PTPRS: variants seen among roughly 807,000 people sequenced by gnomAD.
PTPRS encodes the protein protein tyrosine phosphatase receptor type S.
Under a neutral mutation model 215.3 loss-of-function variants are expected in PTPRS, and 63 were observed. The ratio of observed to expected loss-of-function variants is 0.29; its 90% CI spans 0.24 to 0.36. PTPRS has a LOEUF of 0.36. Among genes scored for constraint, PTPRS ranks in the 10% least tolerant of loss-of-function variants. The pLI is 1.00. For missense variants in PTPRS, 2,258 were observed against 2,825.8 expected (o/e 0.80, Z 4.56); for synonymous variants, 1,404 against 1,191.4 (o/e 1.18, Z -3.68).
Position 5,222,850 on chromosome 19 carries a change from G to C in PTPRS, c.2942C>G (p.Thr981Ser), listed in dbSNP as rs1484090676. The C allele has an allele frequency of 1.1e-5, 18 of 1,592,854 alleles. No homozygotes were observed. The highest frequency in any genetic ancestry group is 1.4e-5 in the Non-Finnish European group (17 of 1,175,978). Residue 981 changes from threonine to serine, a missense_variant, in exon 18 of 38, where the codon ACT becomes AGT. Physicochemically the swap from Thr to Ser is moderately conservative, Grantham distance 58. Coordinates refer to ENST00000262963, the MANE Select transcript of PTPRS (RefSeq NM_002850.4). The stretch of plus-strand genomic sequence containing the variant: ...CGGCTCAGCCGCTGCCGGCAGCTCA[G>C]TCTCTCGGGCAGGGCCCAGGGCACC... ...EAGALGPARE[T>S]ELPAAAEPGA...
chr19:5,243,398 A>C (rs2044214566), intron 11 of PTPRS, among the ~76,000 whole-genome samples: 1 of 151,782 alleles, frequency 6.6e-6, no homozygotes, highest in East Asian at 1.9e-4. Context: ...CGACTCCCAA[A>C]ATGCTGGGGT....
rs1163354927 is a variant in PTPRS at position 5,207,919 on chromosome 19, T to C, written c.5778+3A>G. The C allele has an allele frequency of 6.2e-7, 1 of 1,613,416 alleles. No homozygotes were observed. The highest frequency in any genetic ancestry group is 1.7e-5 in the Admixed American group (1 of 60,000). ...CTGCCTCCCCTCCCTGTCCCATCTT[T>C]ACCTCTGTCTGCACCATGGCCGGCC... On this transcript the variant is annotated splice_donor_region_variant and intron_variant, in intron 37 of 37. Coordinates refer to ENST00000262963, the MANE Select transcript of PTPRS (RefSeq NM_002850.4).
At chr19:5,278,537 C>T (rs1270680659) in intron 2 of PTPRS, among the ~76,000 whole-genome samples, 1 of 152,220 alleles carries the variant, frequency 6.6e-6, no homozygotes, top group East Asian at 1.9e-4. Context: ...AAGTGCAGGG[C>T]GCGATCTTGG....
At chr19:5,240,022 G>T (rs936123409) in intron 12 of PTPRS, among the ~76,000 whole-genome samples, 177 bp downstream of exon 12, 1 of 151,866 alleles carries the variant, frequency 6.6e-6, no homozygotes, top group African/African-American at 2.4e-5. Context: ...AGACAGAGGA[G>T]AAAAAAGTGG....
At chr19:5,259,620 C>G (rs2045832870) in intron 7 of PTPRS, among the ~76,000 whole-genome samples, 1 of 152,128 alleles carries the variant, frequency 6.6e-6, no homozygotes, top group Admixed American at 6.6e-5. Context: ...TGTAACATAT[C>G]TAAGTATGTT....
chr19:5,255,402 T>C (rs779084419), intron 9 of PTPRS, among the ~76,000 whole-genome samples: 27 of 152,038 alleles, frequency 1.8e-4, no homozygotes, highest in Admixed American at 5.9e-4. Context: ...TAAATCACAA[T>C]GCGTTTGGAG....
chr19:5,268,190 T>TAAA (rs1483572135), intron 4 of PTPRS, among the ~76,000 whole-genome samples: 4 of 54,828 alleles, frequency 7.3e-5, no homozygotes, highest in Non-Finnish European at 1.4e-4. Context: ...AATAAATAAA[T>TAAA]TAATTAATTA....
At chr19:5,260,991 G>A (rs2045951441) in intron 6 of PTPRS, among the ~76,000 whole-genome samples, 169 bp from the exon 7 acceptor site, 1 of 152,146 alleles carries the variant, frequency 6.6e-6, no homozygotes, top group South Asian at 2.1e-4. Flanking sequence ...TGCTGAGGAA[G>A]CTAGGAGAGG....
chr19:5,222,247 G>C, intron 18 of PTPRS, 27 bp from the exon 19 acceptor site: 3 of 1,569,288 alleles, frequency 1.9e-6, no homozygotes, highest in South Asian at 1.1e-5. Flanking sequence ...CGAGCAGGGA[G>C]AGAGCAGAAG....
At chr19:5,309,176 G>A (rs1418462837) in intron 1 of PTPRS, among the ~76,000 whole-genome samples, 1 of 151,688 alleles carries the variant, frequency 6.6e-6, no homozygotes, top group Non-Finnish European at 1.5e-5. Flanking sequence ...GCTGGCTCTG[G>A]TGGTGAGCAG....
intron 16 of PTPRS, among the ~76,000 whole-genome samples, chr19:5,227,663 G>A (rs1397812895): frequency 6.6e-6 from 1 of 152,022 alleles, no homozygotes; most frequent in African/African-American, 2.4e-5. Context: ...ACCCGTCTTG[G>A]CCTCCCAAAG....
intron 13 of PTPRS, among the ~76,000 whole-genome samples, chr19:5,233,974 A>AAAAAAAAAAAAAAAAAAAAG: frequency 7.2e-6 from 1 of 139,534 alleles, no homozygotes; most frequent in East Asian, 3.6e-4. Context: ...AAAAAAAAAA[A>AAAAAAAAAAAAAAAAAAAAG]AAATCTATAT....
At position 5,221,070 on chromosome 19, in the gene PTPRS, C is replaced by T. The variant is rs199805837; in HGVS notation, c.3385G>A (p.Ala1129Thr). The T allele has an allele frequency of 3.7e-5, 59 of 1,613,880 alleles. No homozygotes were observed. Among genetic ancestry groups the T allele is most frequent in the Admixed American group, 2.3e-4 (14 of 60,002 alleles). ...FNLLNGKPSV[A>T]PKPDADGFIM... ...AAGCCGTCAGCATCAGGCTTGGGGG[C>T]GACGCTGGGCTTGCCGTTGAGCAGG... The change falls in exon 20 of 38, where the codon GCC becomes ACC. Residue 1129 changes from alanine (A) to threonine (T), a missense_variant. Transcript: ENST00000262963.
intron 9 of PTPRS, among the ~76,000 whole-genome samples, chr19:5,251,597 C>A (rs749755006): frequency 2.0e-5 from 3 of 151,934 alleles, no homozygotes; most frequent in Non-Finnish European, 4.4e-5. Flanking sequence ...ATTCCCCTCA[C>A]AAACCCCCTC....
chr19:5,328,884 A>C lies in PTPRS; in HGVS notation c.-95+11780T>G, dbSNP rs148894416. The stretch of plus-strand genomic sequence containing the variant: ...CCACTCCGAGTACTCTCAGAGCAGG[A>C]CCAGGGGGCTCTTGCTGTGAGCTGC... On this transcript the variant is annotated intron_variant, in intron 1 of 37. Transcript: ENST00000262963. Among the ~76,000 whole-genome samples, 659 of 152,264 alleles carry C rather than the reference A, an allele frequency of 4.3e-3. 18 individuals are homozygous for C. Among genetic ancestry groups the C allele is most frequent in the Non-Finnish European group, 1.6e-3 (109 of 68,024 alleles).
chr19:5,230,291 G>C (rs1301067174), intron 14 of PTPRS, among the ~76,000 whole-genome samples: 1 of 152,180 alleles, frequency 6.6e-6, no homozygotes, highest in African/African-American at 2.4e-5. Flanking sequence ...AGGTTCCCAG[G>C]ACCAAGAGGC....
At chr19:5,211,511 T>G in intron 33 of PTPRS, 79 bp downstream of exon 33, 4 of 1,436,664 alleles carry the variant, frequency 2.8e-6, no homozygotes, top group Non-Finnish European at 2.8e-6. Flanking sequence ...CAGCTCTGTC[T>G]CCCACAAGAC....
rs2048077189 is a variant in PTPRS at position 5,283,720 on chromosome 19, C to T, written c.91+2330G>A. ...AGTGCAGCTATACCTGGCTTCTGGTCCCTGAGGGAGTGTGGTCATTGGGAA... is the reference window on the plus strand; with the variant it reads ...AGTGCAGCTATACCTGGCTTCTGGTTCCTGAGGGAGTGTGGTCATTGGGAA... On this transcript the variant is annotated intron_variant, in intron 2 of 37. Coordinates refer to ENST00000262963, the MANE Select transcript of PTPRS (RefSeq NM_002850.4). 2.0e-5 allele frequency among the ~76,000 whole-genome samples: 3 copies of T among 152,194 alleles called. No individual in the cohort carries two copies. The South Asian group carries it at 6.2e-4, about 32-fold the overall frequency.
chr19:5,333,018 G>A (rs1239277413), intron 1 of PTPRS, among the ~76,000 whole-genome samples: 11 of 151,738 alleles, frequency 7.2e-5, no homozygotes, highest in Non-Finnish European at 1.2e-4. Flanking sequence ...ATGTGGTGGC[G>A]GGTGCCTGTA....
Sources: allele counts gnomAD v4.1 joint callset (sites outside exome capture counted in the v4.1 genomes callset), GRCh38; gene constraint gnomAD v4.1.1; transcripts MANE v1.5; gene names NCBI Gene and HGNC (gene_info 2026-07-23, HGNC 2026-07-21).